XKR4: variants seen among roughly 807,000 people sequenced by gnomAD.
XKR4 encodes the protein XK related 4, also known as XK-related protein 4.
A neutral mutation model predicts 53.9 loss-of-function variants in XKR4; 12 were observed. That is an observed-to-expected ratio of 0.22 (90% CI 0.14 to 0.36). XKR4 has a LOEUF of 0.36. Ranked by LOEUF, XKR4 falls within the 10% of genes least tolerant of loss-of-function variation. The pLI is 1.00. For missense variants in XKR4, 799 were observed against 859.5 expected, an observed-to-expected ratio of 0.93 and a Z score of 0.88; for synonymous variants, 354 against 362.4, an observed-to-expected ratio of 0.98 and a Z score of 0.26.
At chr8:55,427,287 T>A (rs997554340) in intron 2 of XKR4, among the ~76,000 whole-genome samples, 3 of 152,152 alleles carry the variant, frequency 2.0e-5, no homozygotes, top group Non-Finnish European at 4.4e-5. Context: ...AATAAAAGGA[T>A]GTGTTAACTC....
At chr8:55,319,841 T>C (rs1223737155) in intron 1 of XKR4, among the ~76,000 whole-genome samples, 5 of 152,196 alleles carry the variant, frequency 3.3e-5, no homozygotes, top group Admixed American at 3.3e-4. Flanking sequence ...TTTTCTCAGT[T>C]AGGCAGTGGT....
chr8:55,416,943 A>T (rs1056594836), intron 2 of XKR4, among the ~76,000 whole-genome samples: 1 of 152,224 alleles, frequency 6.6e-6, no homozygotes, highest in Non-Finnish European at 1.5e-5. Context: ...ATTGTTTCAA[A>T]ATTAGAAAAT....
chr8:55,358,327 G>A (rs1401179610), intron 2 of XKR4, among the ~76,000 whole-genome samples: 1 of 151,902 alleles, frequency 6.6e-6, no homozygotes, highest in Non-Finnish European at 1.5e-5. Context: ...GAGAGAGAGA[G>A]AGAGACAATG....
chr8:55,346,685 A>ATGTGTGTGTGTGTGTGTGTGTGTGTG (rs10685965), intron 1 of XKR4, among the ~76,000 whole-genome samples: 1 of 138,472 alleles, frequency 7.2e-6, no homozygotes, highest in African/African-American at 2.7e-5. Flanking sequence ...TGTTGAGGTT[A>ATGTGTGTGTGTGTGTGTGTGTGTGTG]TGTGTGTGTG....
At chr8:55,130,910 A>C (rs1816544307) in intron 1 of XKR4, among the ~76,000 whole-genome samples, 1 of 152,098 alleles carries the variant, frequency 6.6e-6, no homozygotes, top group Non-Finnish European at 1.5e-5. Context: ...CTGTAATCCC[A>C]GCACTTTGGG....
intron 1 of XKR4, among the ~76,000 whole-genome samples, chr8:55,200,710 T>G (rs1257369015): frequency 1.3e-5 from 2 of 152,232 alleles, no homozygotes; most frequent in Non-Finnish European, 2.9e-5. Flanking sequence ...AAGAAAGCCT[T>G]GCTATGAAAG....
chr8:55,465,412 C>A (rs933212137), intron 2 of XKR4, among the ~76,000 whole-genome samples: 12 of 151,924 alleles, frequency 7.9e-5, no homozygotes, highest in Non-Finnish European at 1.5e-4. Context: ...ATAAATGGTG[C>A]TGGAAAAACT....
At chr8:55,287,439 G>A (rs577251683) in intron 1 of XKR4, among the ~76,000 whole-genome samples, 27 of 152,290 alleles carry the variant, frequency 1.8e-4, no homozygotes, top group African/African-American at 5.3e-4. Flanking sequence ...GCTGGTGAGC[G>A]TACCCATTAG....
At chr8:55,507,354 AT>A (rs61291206) in intron 2 of XKR4, among the ~76,000 whole-genome samples, 15,027 of 151,206 alleles carry the variant, frequency 0.099, 960 homozygotes, top group Non-Finnish European at 0.14. Flanking sequence ...TTACTGTTGG[AT>A]TTTTTTTTAT....
chr8:55,115,790 A>G (rs1816297731), intron 1 of XKR4, among the ~76,000 whole-genome samples: 1 of 152,150 alleles, frequency 6.6e-6, no homozygotes, highest in African/African-American at 2.4e-5. Context: ...ACACACACAA[A>G]AAGTCCATTA....
chr8:55,422,605 C>A (rs1161867278), intron 2 of XKR4, among the ~76,000 whole-genome samples: 1 of 152,178 alleles, frequency 6.6e-6, no homozygotes, highest in Non-Finnish European at 1.5e-5. Context: ...CACAGCAGTG[C>A]AAGAGCAGCT....
At chr8:55,340,335 GTA>G (rs1275609098) in intron 1 of XKR4, among the ~76,000 whole-genome samples, 3 of 152,226 alleles carry the variant, frequency 2.0e-5, no homozygotes, top group Admixed American at 2.0e-4. Context: ...GCATGTGTGT[GTA>G]TGTTAGAACC....
At chr8:55,328,972 C>T (rs775513831) in intron 1 of XKR4, among the ~76,000 whole-genome samples, 13 of 152,150 alleles carry the variant, frequency 8.5e-5, no homozygotes, top group Non-Finnish European at 1.5e-4. Flanking sequence ...ACCTCGCAGA[C>T]ACCCTGGCAC....
At chr8:55,183,927 C>T (rs1329570382) in intron 1 of XKR4, among the ~76,000 whole-genome samples, 3 of 152,078 alleles carry the variant, frequency 2.0e-5, no homozygotes. Context: ...TAGGTGTGTA[C>T]ACATTGAGGA....
intron 1 of XKR4, among the ~76,000 whole-genome samples, chr8:55,313,031 C>T (rs1819409390): frequency 6.6e-6 from 1 of 152,128 alleles, no homozygotes; most frequent in Admixed American, 6.5e-5. Context: ...ATTCTGCTTC[C>T]TTTCTCTGGT....
chr8:55,237,728 A>G (rs537105609), intron 1 of XKR4, among the ~76,000 whole-genome samples: 1 of 152,234 alleles, frequency 6.6e-6, no homozygotes, highest in South Asian at 2.1e-4. Context: ...TGTGATGAAC[A>G]TGATATTTGT....
chr8:55,489,174 C>T (rs2129401986), intron 2 of XKR4, among the ~76,000 whole-genome samples: 1 of 152,246 alleles, frequency 6.6e-6, no homozygotes, highest in African/African-American at 2.4e-5. Flanking sequence ...CATATTGGCT[C>T]ATCAATGTAC....
chr8:55,336,327 GC>G (rs1219740078), intron 1 of XKR4, among the ~76,000 whole-genome samples: 1 of 151,920 alleles, frequency 6.6e-6, no homozygotes, highest in Non-Finnish European at 1.5e-5. Flanking sequence ...AGTGCCTTTT[GC>G]CTCCCGCCAC....
At chr8:55,257,462 GAGAA>G (rs1818453156) in intron 1 of XKR4, among the ~76,000 whole-genome samples, 2 of 151,818 alleles carry the variant, frequency 1.3e-5, no homozygotes, top group Admixed American at 6.6e-5. Context: ...GAGAGAGAGA[GAGAA>G]AGAGAGAGAA....
Sources: allele counts gnomAD v4.1 joint callset (sites outside exome capture counted in the v4.1 genomes callset), GRCh38; gene constraint gnomAD v4.1.1; transcripts MANE v1.5; gene names NCBI Gene and HGNC (gene_info 2026-07-23, HGNC 2026-07-21).